Variants in SLC14A2 observed in about 807,000 individuals in gnomAD.
SLC14A2 encodes the protein urea transporter 2.
Under a neutral mutation model 104.6 loss-of-function variants are expected in SLC14A2, and 91 were observed. That is an observed-to-expected ratio of 0.87 (90% CI 0.73 to 1.04). The LOEUF is 1.04. Among genes scored for constraint, SLC14A2 ranks in the 50% least tolerant of loss-of-function variants. The pLI is 0.00. For synonymous variants in SLC14A2, 476 were observed against 466.4 expected (o/e 1.02, Z -0.27); for missense variants, 1,189 against 1,156.0 (o/e 1.03, Z -0.41).
At chr18:45,470,150 TA>T (rs1223987113) in intron 1 of SLC14A2, among the ~76,000 whole-genome samples, 5 of 152,354 alleles carry the variant, frequency 3.3e-5, no homozygotes, top group African/African-American at 1.2e-4. Flanking sequence ...TTTTGGTGCA[TA>T]AATATTTATA....
intron 1 of SLC14A2, among the ~76,000 whole-genome samples, chr18:45,443,181 G>C (rs2086708050): frequency 6.6e-6 from 1 of 152,162 alleles, no homozygotes; most frequent in African/African-American, 2.4e-5. Context: ...ACATTCTGAA[G>C]ATTCACTGAA....
At chr18:45,557,374 A>C (rs925809231) in intron 2 of SLC14A2, among the ~76,000 whole-genome samples, 2 of 152,236 alleles carry the variant, frequency 1.3e-5, no homozygotes, top group Admixed American at 1.3e-4. Context: ...GCAGTGCCTA[A>C]CATGCTCAAG....
intron 1 of SLC14A2, among the ~76,000 whole-genome samples, chr18:45,343,463 C>T (rs929242280): frequency 6.6e-6 from 1 of 152,052 alleles, no homozygotes; most frequent in African/African-American, 2.4e-5. Flanking sequence ...CCTGTGACCC[C>T]CTGACGTGCT....
chr18:45,567,536 T>C (rs2044283954), intron 2 of SLC14A2, among the ~76,000 whole-genome samples: 1 of 152,196 alleles, frequency 6.6e-6, no homozygotes, highest in Non-Finnish European at 1.5e-5. Context: ...AGTCAGAGTG[T>C]CCTTTAAATT....
chr18:45,674,649 G>T (rs1352619344), intron 18 of SLC14A2, among the ~76,000 whole-genome samples: 1 of 150,756 alleles, frequency 6.6e-6, no homozygotes, highest in Admixed American at 6.6e-5. Context: ...CCAAATAAAA[G>T]GTAGCCATTC....
At chr18:45,509,975 G>A (rs993844382) in intron 2 of SLC14A2, among the ~76,000 whole-genome samples, 1 of 152,152 alleles carries the variant, frequency 6.6e-6, no homozygotes, top group Non-Finnish European at 1.5e-5. Flanking sequence ...AATCTGAGTG[G>A]AGGGGTTGCC....
intron 5 of SLC14A2, among the ~76,000 whole-genome samples, chr18:45,636,393 C>T (rs1209899292): frequency 6.6e-6 from 1 of 152,180 alleles, no homozygotes; most frequent in Non-Finnish European, 1.5e-5. Context: ...TTGCACTAAG[C>T]TTCATCTGTC....
intron 2 of SLC14A2, among the ~76,000 whole-genome samples, chr18:45,536,700 G>A (rs548796727): frequency 2.6e-4 from 40 of 152,166 alleles, no homozygotes; most frequent in African/African-American, 9.2e-4. Context: ...TATCTTTTGG[G>A]GGGCACAATT....
intron 5 of SLC14A2, chr18:45,634,832 G>A (rs970846266): frequency 2.2e-6 from 1 of 457,154 alleles, no homozygotes; most frequent in Non-Finnish European, 4.4e-6. Context: ...GATGGAGACG[G>A]ATTTTAACTG....
intron 1 of SLC14A2, among the ~76,000 whole-genome samples, chr18:45,370,260 C>CA (rs2085709026): frequency 1.3e-5 from 2 of 152,152 alleles, no homozygotes; most frequent in Admixed American, 1.3e-4. Flanking sequence ...AACCACCCCT[C>CA]AGAGTTTTTT....
chr18:45,470,986 T>TTG (rs35849093), intron 1 of SLC14A2, among the ~76,000 whole-genome samples: 33,381 of 151,244 alleles, frequency 0.22, 3,958 homozygotes, highest in Non-Finnish European at 0.27. Flanking sequence ...AATTTCCAGT[T>TTG]TGTGTGTGTG....
At chr18:45,315,868 T>C (rs1369074809) in intron 1 of SLC14A2, among the ~76,000 whole-genome samples, 3 of 152,230 alleles carry the variant, frequency 2.0e-5, no homozygotes, top group Admixed American at 6.5e-5. Context: ...TAGCACACAG[T>C]GCCTTCAGAA....
At chr18:45,491,853 G>A (rs561618279) in intron 2 of SLC14A2, among the ~76,000 whole-genome samples, 2 of 152,200 alleles carry the variant, frequency 1.3e-5, no homozygotes, top group Non-Finnish European at 2.9e-5. Context: ...GGTCACCAAG[G>A]ACCACTGGGG....
intron 1 of SLC14A2, among the ~76,000 whole-genome samples, chr18:45,239,821 C>G (rs1289382772): frequency 6.6e-6 from 1 of 152,058 alleles, no homozygotes; most frequent in African/African-American, 2.4e-5. Context: ...TAGCCCTTAC[C>G]CTGCCAGGTA....
chr18:45,657,784 T>C (rs114552976), intron 10 of SLC14A2, among the ~76,000 whole-genome samples: 1,713 of 152,316 alleles, frequency 0.011, 28 homozygotes, highest in African/African-American at 0.038. Context: ...CAAGATCATC[T>C]CAAAGCCTTT....
chr18:45,387,355 G>A (rs925877462), intron 1 of SLC14A2, among the ~76,000 whole-genome samples: 1 of 152,096 alleles, frequency 6.6e-6, no homozygotes, highest in Non-Finnish European at 1.5e-5. Flanking sequence ...AAACAAGGAG[G>A]CAGAAAATGT....
At chr18:45,321,244 C>T (rs1305706481) in intron 1 of SLC14A2, among the ~76,000 whole-genome samples, 4 of 152,208 alleles carry the variant, frequency 2.6e-5, no homozygotes, top group Non-Finnish European at 2.9e-5. Context: ...TACAAGATTA[C>T]TACGGGATTA....
At chr18:45,676,497 T>C (rs1182115091) in intron 18 of SLC14A2, among the ~76,000 whole-genome samples, 3 of 151,822 alleles carry the variant, frequency 2.0e-5, no homozygotes. Flanking sequence ...CCAATTTATG[T>C]CAGATGTTAC....
the SLC14A2 span, among the ~76,000 whole-genome samples, chr18:45,205,538 G>T: frequency 2.6e-5 from 4 of 152,180 alleles, no homozygotes; most frequent in African/African-American, 4.8e-5. Flanking sequence ...GTAGGGAAAA[G>T]GTCATTGTTG....
Sources: gnomAD v4.1 joint callset for allele counts (sites outside exome capture counted in the v4.1 genomes callset) on GRCh38, gnomAD v4.1.1 for gene constraint, MANE v1.5 for transcripts, NCBI Gene and HGNC (gene_info 2026-07-23, HGNC 2026-07-21) for gene names.